GLIS3: variants seen among roughly 807,000 people sequenced by gnomAD.
GLIS3 encodes GLIS family zinc finger 3, also known as zinc finger protein GLIS3.
A neutral mutation model predicts 78.6 loss-of-function variants in GLIS3; 53 were observed. The observed-to-expected ratio is 0.67, with a 90% CI of 0.54 to 0.85. The LOEUF (loss-of-function observed/expected upper bound fraction) is 0.85. Among genes scored for constraint, GLIS3 ranks in the 40% least tolerant of loss-of-function variants. The probability of loss-of-function intolerance (pLI) is 0.00; values close to 1 mark genes in which losing one functional copy is unlikely to be tolerated. For missense variants in GLIS3, 1,703 were observed against 1,231.1 expected (o/e 1.38, Z -5.74); for synonymous variants, 684 against 509.9 (o/e 1.34, Z -4.60).
chr9:4,434,040 G>A, the GLIS3 span, among the ~76,000 whole-genome samples: 1 of 148,554 alleles, frequency 6.7e-6, no homozygotes, highest in Non-Finnish European at 1.5e-5. Context: ...AGGTTGCAGT[G>A]AGCCGAGATT....
chr9:4,207,328 G>A (rs1326355085), intron 2 of GLIS3, among the ~76,000 whole-genome samples: 1 of 152,130 alleles, frequency 6.6e-6, no homozygotes, highest in Non-Finnish European at 1.5e-5. Context: ...ATGACAAGAG[G>A]AGCACTCTTA....
intron 4 of GLIS3, among the ~76,000 whole-genome samples, chr9:4,105,351 T>C (rs1830668042): frequency 6.6e-6 from 1 of 152,184 alleles, no homozygotes; most frequent in Non-Finnish European, 1.5e-5. Flanking sequence ...CAGGCACAGC[T>C]GTTTGACAAG....
At chr9:4,239,414 T>C (rs1330054780) in intron 2 of GLIS3, among the ~76,000 whole-genome samples, 2 of 152,100 alleles carry the variant, frequency 1.3e-5, no homozygotes, top group African/African-American at 4.8e-5. Flanking sequence ...GTTAGACTAC[T>C]GTATTCGTAT....
the GLIS3 span, among the ~76,000 whole-genome samples, chr9:4,440,811 A>G: frequency 6.6e-6 from 1 of 152,056 alleles, no homozygotes; most frequent in Non-Finnish European, 1.5e-5. Context: ...CTTTTCATTT[A>G]CTTGTGTCTT....
intron 7 of GLIS3, among the ~76,000 whole-genome samples, chr9:3,897,918 C>T (rs1393287962): frequency 6.6e-6 from 1 of 152,152 alleles, no homozygotes; most frequent in Non-Finnish European, 1.5e-5. Context: ...AGAAAATTCT[C>T]ATTGTCTGGA....
chr9:4,055,418 T>C (rs1313767570), intron 4 of GLIS3, among the ~76,000 whole-genome samples: 1 of 152,140 alleles, frequency 6.6e-6, no homozygotes, highest in Non-Finnish European at 1.5e-5. Flanking sequence ...CTGAACTCTT[T>C]CCATATGCCA....
intron 1 of GLIS3, among the ~76,000 whole-genome samples, chr9:4,298,186 G>A (rs1159950131): frequency 3.9e-5 from 6 of 152,014 alleles, no homozygotes; most frequent in African/African-American, 1.2e-4. Flanking sequence ...CGCGCTGCCC[G>A]GCCTGGCCGG....
intron 2 of GLIS3, among the ~76,000 whole-genome samples, chr9:4,247,753 G>A (rs974632679): frequency 9.9e-5 from 15 of 151,632 alleles, no homozygotes; most frequent in East Asian, 1.9e-4. Flanking sequence ...ATTATAAACC[G>A]AAAAACTAAA....
chr9:3,880,112 C>G (rs183798320), intron 7 of GLIS3, among the ~76,000 whole-genome samples: 14 of 152,214 alleles, frequency 9.2e-5, no homozygotes, highest in Admixed American at 7.2e-4. Context: ...CTAGCATGAA[C>G]GTAGGATCCT....
At chr9:4,418,462 A>T in the GLIS3 span, among the ~76,000 whole-genome samples, 6 of 152,236 alleles carry the variant, frequency 3.9e-5, no homozygotes, top group Admixed American at 6.5e-5. Context: ...ATTTGCAAAG[A>T]CTAGAACAGA....
the GLIS3 span, among the ~76,000 whole-genome samples, chr9:4,465,505 T>C: frequency 3.3e-5 from 5 of 150,598 alleles, no homozygotes; most frequent in African/African-American, 7.5e-5. Flanking sequence ...GCCAAGATCA[T>C]GCCATTGCAC....
At chr9:4,446,898 A>G in the GLIS3 span, among the ~76,000 whole-genome samples, 2 of 151,866 alleles carry the variant, frequency 1.3e-5, no homozygotes, top group South Asian at 2.1e-4. Context: ...CCTTGACTGT[A>G]CTTAGGTTCC....
intron 2 of GLIS3, among the ~76,000 whole-genome samples, chr9:4,326,480 G>A (rs35994634): frequency 6.6e-6 from 1 of 152,098 alleles, no homozygotes; most frequent in South Asian, 2.1e-4. Context: ...CCACTTACAT[G>A]AAGTATTTAC....
intron 2 of GLIS3, among the ~76,000 whole-genome samples, chr9:4,254,797 G>T (rs1824752778): frequency 6.7e-6 from 1 of 148,562 alleles, no homozygotes; most frequent in African/African-American, 2.5e-5. Flanking sequence ...CCAAGACCGT[G>T]CCACTGCACT....
At chr9:3,887,990 C>G (rs1413928563) in intron 7 of GLIS3, among the ~76,000 whole-genome samples, 1 of 152,122 alleles carries the variant, frequency 6.6e-6, no homozygotes, top group Non-Finnish European at 1.5e-5. Flanking sequence ...CTGCTACTCA[C>G]CTTCGAAGGA....
intron 2 of GLIS3, among the ~76,000 whole-genome samples, chr9:4,219,439 A>G (rs911503529): frequency 4.6e-5 from 7 of 152,252 alleles, no homozygotes; most frequent in African/African-American, 1.4e-4. Flanking sequence ...CATTTAACTT[A>G]GTGTAGTATA....
At chr9:4,345,101 C>T (rs990618645) in intron 2 of GLIS3, among the ~76,000 whole-genome samples, 5 of 152,176 alleles carry the variant, frequency 3.3e-5, no homozygotes, top group East Asian at 1.9e-4. Context: ...TTCAAGTCTC[C>T]GCAAGTTTCC....
intron 2 of GLIS3, among the ~76,000 whole-genome samples, chr9:4,190,441 G>A (rs575449503): frequency 0.19 from 23,935 of 124,158 alleles, 3,493 homozygotes; most frequent in South Asian, 0.39. Flanking sequence ...AGTGATGGAA[G>A]ATGAAATGAA....
chr9:4,079,367 C>A (rs1357782174), intron 4 of GLIS3, among the ~76,000 whole-genome samples: 2 of 152,182 alleles, frequency 1.3e-5, no homozygotes, highest in African/African-American at 4.8e-5. Context: ...CTGTCTTGTA[C>A]TTCCTCTGAG....
Sources: gnomAD v4.1 joint callset for allele counts (sites outside exome capture counted in the v4.1 genomes callset) on GRCh38, gnomAD v4.1.1 for gene constraint, MANE v1.5 for transcripts, NCBI Gene and HGNC (gene_info 2026-07-23, HGNC 2026-07-21) for gene names.